The following TTC39B variants were observed in gnomAD, a reference collection of about 807,000 sequenced individuals.
TTC39B encodes the protein tetratricopeptide repeat protein 39B.
Under a neutral mutation model 96.6 loss-of-function variants are expected in TTC39B, and 92 were observed. The ratio of observed to expected loss-of-function variants is 0.95; its 90% CI spans 0.80 to 1.13. TTC39B has a LOEUF of 1.13. Among genes scored for constraint, TTC39B ranks in the 50% most tolerant of loss-of-function variants. The pLI is 0.00. For missense variants in TTC39B, 955 were observed against 809.3 expected, an observed-to-expected ratio of 1.18 and a Z score of -2.18; for synonymous variants, 367 against 299.4, an observed-to-expected ratio of 1.23 and a Z score of -2.33.
intron 1 of TTC39B, among the ~76,000 whole-genome samples, chr9:15,298,424 T>C (rs562380342): frequency 3.3e-5 from 5 of 152,314 alleles, no homozygotes; most frequent in African/African-American, 9.6e-5. Flanking sequence ...AGAGGTTTAA[T>C]GGACTCACAT....
At chr9:15,273,544 G>T (rs1034168386) in intron 1 of TTC39B, among the ~76,000 whole-genome samples, 2 of 152,036 alleles carry the variant, frequency 1.3e-5, no homozygotes, top group Non-Finnish European at 2.9e-5. Context: ...TTCTCATAGG[G>T]ATGACTTCAC....
intron 1 of TTC39B, among the ~76,000 whole-genome samples, chr9:15,281,919 C>T (rs762998169): frequency 2.0e-4 from 30 of 152,072 alleles, no homozygotes; most frequent in Non-Finnish European, 3.7e-4. Flanking sequence ...CTCAAGTGAT[C>T]CACCCACCTC....
At chr9:15,252,968 C>A (rs1026812464) in intron 2 of TTC39B, among the ~76,000 whole-genome samples, 3 of 152,170 alleles carry the variant, frequency 2.0e-5, no homozygotes, top group Admixed American at 6.5e-5. Flanking sequence ...ATAAAAGGAA[C>A]TTTTCGAAAA....
chr9:15,294,727 C>T (rs1446308101), intron 1 of TTC39B, among the ~76,000 whole-genome samples: 1 of 152,174 alleles, frequency 6.6e-6, no homozygotes, highest in African/African-American at 2.4e-5. Flanking sequence ...ATTTATCCTA[C>T]AGGACTCCAT....
chr9:15,221,808 T>C (rs1288031118), intron 3 of TTC39B, among the ~76,000 whole-genome samples: 1 of 152,254 alleles, frequency 6.6e-6, no homozygotes, highest in Non-Finnish European at 1.5e-5. Flanking sequence ...TTATTATACC[T>C]TAATGCCCCT....
intron 11 of TTC39B, among the ~76,000 whole-genome samples, chr9:15,190,256 A>G (rs1279403723): frequency 1.3e-5 from 2 of 152,202 alleles, no homozygotes; most frequent in African/African-American, 4.8e-5. Flanking sequence ...AAAAAAGTAA[A>G]CAGATATGAA....
Position 15,268,142 on chromosome 9 carries a change from T to G in TTC39B, c.241-194A>C, listed in dbSNP as rs186439532. Among the ~76,000 whole-genome samples, 563 of 152,110 alleles carry G rather than the reference T, an allele frequency of 3.7e-3. 1 individual carries two copies. The highest frequency in any genetic ancestry group is 6.5e-3 in the Non-Finnish European group (444 of 68,006). On this transcript the variant is annotated intron_variant, in intron 1 of 19. Transcript: ENST00000512701. ...ATCAAGCAGATGCATTTCAGTGACGTTTAATTTTTTTTTTAATAAGGCTGG... is the reference window on the plus strand; with the variant it reads ...ATCAAGCAGATGCATTTCAGTGACGGTTAATTTTTTTTTTAATAAGGCTGG...
chr9:15,251,364 A>G (rs1056512370), intron 2 of TTC39B, among the ~76,000 whole-genome samples: 5 of 151,828 alleles, frequency 3.3e-5, no homozygotes, highest in African/African-American at 1.2e-4. Context: ...GGAACTCGAG[A>G]CCAGCCTGAC....
At chr9:15,219,864 T>C (rs963249594) in intron 3 of TTC39B, among the ~76,000 whole-genome samples, 1 of 152,186 alleles carries the variant, frequency 6.6e-6, no homozygotes, top group African/African-American at 2.4e-5. Context: ...CGCCCAACCA[T>C]GACCCTCACA....
chr9:15,251,709 ATATATATATATATATATATATATATATG>A (rs1236042769), intron 2 of TTC39B, among the ~76,000 whole-genome samples: 2 of 88,174 alleles, frequency 2.3e-5, no homozygotes, highest in Admixed American at 9.9e-5. Flanking sequence ...ACATATATAT[ATATATATATATATATATATATATATATG>A]TAGTATATAT....
chr9:15,303,926 C>G (rs1278073435), intron 1 of TTC39B, among the ~76,000 whole-genome samples: 1 of 152,218 alleles, frequency 6.6e-6, no homozygotes, highest in Non-Finnish European at 1.5e-5. Flanking sequence ...TGAGCCACCA[C>G]ACCTGGCCTC....
At chr9:15,223,295 TTAC>T (rs1820947453) in intron 3 of TTC39B, among the ~76,000 whole-genome samples, 1 of 152,190 alleles carries the variant, frequency 6.6e-6, no homozygotes, top group Non-Finnish European at 1.5e-5. Context: ...GTGAAAGGGA[TTAC>T]AAGTAAGGAG....
intron 2 of TTC39B, among the ~76,000 whole-genome samples, chr9:15,234,060 T>C (rs1480555642): frequency 7.2e-6 from 1 of 138,372 alleles, no homozygotes; most frequent in Non-Finnish European, 1.5e-5. Flanking sequence ...GTCTGGGATG[T>C]GAGGAGCGCC....
At chr9:15,192,331 T>C (rs1306985461) in intron 9 of TTC39B, among the ~76,000 whole-genome samples, 1 of 152,204 alleles carries the variant, frequency 6.6e-6, no homozygotes, top group East Asian at 1.9e-4. Flanking sequence ...GATTCCACTG[T>C]TCCTTGTTAC....
intron 1 of TTC39B, among the ~76,000 whole-genome samples, chr9:15,296,166 G>C (rs914002451): frequency 1.3e-5 from 2 of 152,202 alleles, no homozygotes; most frequent in African/African-American, 4.8e-5. Context: ...CAAAGAAGCT[G>C]TGACTGGTCC....
chr9:15,302,952 G>A (rs1448956296), intron 1 of TTC39B, among the ~76,000 whole-genome samples: 9 of 152,048 alleles, frequency 5.9e-5, no homozygotes, highest in East Asian at 5.8e-4. Flanking sequence ...GCCGGATCAC[G>A]AGGTCAAGAG....
intron 2 of TTC39B, among the ~76,000 whole-genome samples, chr9:15,235,897 C>T (rs591648): frequency 0.52 from 78,276 of 151,896 alleles, 20,882 homozygotes; most frequent in East Asian, 0.73. Context: ...TATAAAACAA[C>T]TACACAATTG....
chr9:15,173,780 A>C (rs1817782576), intron 19 of TTC39B, among the ~76,000 whole-genome samples: 1 of 152,158 alleles, frequency 6.6e-6, no homozygotes, highest in South Asian at 2.1e-4. Flanking sequence ...CTTATCACTG[A>C]ACTTCATGCT....
At chr9:15,218,026 G>A (rs1275648319) in intron 3 of TTC39B, among the ~76,000 whole-genome samples, 3 of 151,926 alleles carry the variant, frequency 2.0e-5, no homozygotes, top group African/African-American at 7.3e-5. Flanking sequence ...TGGCCAACAT[G>A]GTGAAACCCC....
Sources: allele counts gnomAD v4.1 joint callset (sites outside exome capture counted in the v4.1 genomes callset), GRCh38; gene constraint gnomAD v4.1.1; transcripts MANE v1.5; gene names NCBI Gene and HGNC (gene_info 2026-07-23, HGNC 2026-07-21).